Variants in VPS72 observed in about 807,000 individuals in gnomAD.
VPS72 encodes vacuolar protein sorting-associated protein 72 homolog.
In VPS72, 27 loss-of-function variants were observed where a neutral mutation model predicts 38.9. That is an observed-to-expected ratio of 0.69 (90% CI 0.51 to 0.96). VPS72 has a LOEUF of 0.96. Ranked by LOEUF, VPS72 falls within the 40% of genes least tolerant of loss-of-function variation. The pLI is 0.00. For synonymous variants in VPS72, 173 were observed against 186.3 expected, an observed-to-expected ratio of 0.93 and a Z score of 0.58; for missense variants, 360 against 479.5, an observed-to-expected ratio of 0.75 and a Z score of 2.33.
Position 151,176,534 on chromosome 1 carries a change from C to T in VPS72, c.*110G>A, listed in dbSNP as rs1387796898. ...GAACTAGGGGAAAAGGAAAAAGAAA[C>T]AGATTAGGCAAAGATCAGAGATGAC... On this transcript the variant is annotated 3_prime_UTR_variant, in exon 6 of 6. Transcript: ENST00000368892. The T allele has an allele frequency of 6.8e-7, 1 of 1,476,766 alleles. No individual in the cohort carries two copies. 91.5% of individuals were successfully genotyped at this position (1,476,766 alleles called of 1,614,324 possible).
chr1:151,180,552 C>T (rs1430083078), intron 4 of VPS72, among the ~76,000 whole-genome samples: 1 of 151,990 alleles, frequency 6.6e-6, no homozygotes, highest in Non-Finnish European at 1.5e-5. Flanking sequence ...ATTCTCCTGC[C>T]TCAGCCTCCT....
At chr1:151,177,891 G>C in intron 5 of VPS72, 110 bp downstream of exon 5, 1 of 1,283,830 alleles carries the variant, frequency 7.8e-7, no homozygotes, top group East Asian at 2.4e-5. Flanking sequence ...TTAGGAATCT[G>C]AAAGAAATCT....
chr1:151,185,161 G>A (rs1684322608), intron 3 of VPS72, among the ~76,000 whole-genome samples: 1 of 151,712 alleles, frequency 6.6e-6, no homozygotes, highest in African/African-American at 2.4e-5. Context: ...TTTTTCTGGT[G>A]ACAGAGTTTT....
chr1:151,190,178 G>T lies in VPS72; in HGVS notation c.-57C>A. On this transcript the variant is annotated 5_prime_UTR_variant, in exon 1 of 6. Coordinates refer to ENST00000368892, the MANE Select transcript of VPS72 (RefSeq NM_005997.3). ...GCCCCTCACCAGCTCGGTTTTGGGA[G>T]CTCGACGCTCGACATCACTACCTGC... 6.4e-7 allele frequency: 1 copy of T among 1,571,444 alleles called. No homozygotes were observed.
At chr1:151,177,665 G>T (rs919719937) in intron 5 of VPS72, among the ~76,000 whole-genome samples, 4 of 151,950 alleles carry the variant, frequency 2.6e-5, no homozygotes, top group African/African-American at 9.7e-5. Context: ...CCAGGAGTCT[G>T]GGCAACACAG....
At position 151,176,704 on chromosome 1, in the gene VPS72, A is replaced by T. The variant is rs1354719823; in HGVS notation, c.1035T>A (p.Pro345=). Residue 345 remains proline, a synonymous_variant, in exon 6 of 6, where the codon CCT becomes CCA. Coordinates refer to ENST00000368892, the MANE Select transcript of VPS72 (RefSeq NM_005997.3). ...GCCCAGAGCCAGGGAGGGGCTCAGGAGGTGGCGGGCCGGGGCCCAGGGCTG... is the reference window on the plus strand; with the variant it reads ...GCCCAGAGCCAGGGAGGGGCTCAGGTGGTGGCGGGCCGGGGCCCAGGGCTG... ...TASALGPGPP[P]PEPLPGSGPR... 2 of 1,614,026 alleles carry T rather than the reference A, an allele frequency of 1.2e-6. No homozygotes were observed. Among genetic ancestry groups the T allele is most frequent in the African/African-American group, 1.3e-5 (1 of 74,910 alleles).
chr1:151,185,812 T>G lies in VPS72; in HGVS notation c.256A>C (p.Thr86Pro). The G allele has an allele frequency of 6.2e-7, 1 of 1,614,166 alleles. No homozygotes were observed. ...EEPRRKRRVV[T>P]KAYKEPLKSL... is the part of the protein sequence containing the mutation. ...TCCCCCTGTACCTTATAGGCCTTGG[T>G]GACTACTCGGCGCTTCCTTCTTGGC... Residue 86 changes from threonine (T) to proline (P), a missense_variant, in exon 2 of 6, where the codon ACC becomes CCC. Thr to Pro is a conservative substitution (Grantham distance 38). Coordinates refer to ENST00000368892, the MANE Select transcript of VPS72 (RefSeq NM_005997.3).
In VPS72 at chr1:151,180,461, CAG is replaced by C. The variant is rs113815827; in HGVS notation, c.563-2318_563-2317del. ...TTTACTTTCTTTTTCTTTTTTGAGA[CAG>C]AGTCTTGCTCTGTCGCCAGGTTGGA... is the stretch of plus-strand genomic sequence containing the variant. On this transcript the variant is annotated intron_variant, in intron 4 of 5. Coordinates refer to ENST00000368892, the MANE Select transcript of VPS72 (RefSeq NM_005997.3). Among the ~76,000 whole-genome samples, 674 of 151,964 alleles carry C rather than the reference CAG, an allele frequency of 4.4e-3. 6 individuals carry two copies. The highest frequency in any genetic ancestry group is 0.015 in the African/African-American group (636 of 41,472).
chr1:151,181,828 G>C (rs1057366079), intron 4 of VPS72, among the ~76,000 whole-genome samples: 4 of 152,130 alleles, frequency 2.6e-5, no homozygotes, highest in African/African-American at 7.2e-5. Context: ...TAATGAAAAA[G>C]ACATCAGGTG....
intron 1 of VPS72, among the ~76,000 whole-genome samples, chr1:151,188,970 T>C (rs1400781013): frequency 6.6e-6 from 1 of 152,088 alleles, no homozygotes; most frequent in African/African-American, 2.4e-5. Flanking sequence ...GCTGGGACTA[T>C]AGGCGCACAC....
At position 151,176,967 on chromosome 1, in the gene VPS72, G is replaced by A. The variant is rs377588091; in HGVS notation, c.772C>T (p.Pro258Ser). 1.1e-4 allele frequency: 171 copies of A among 1,606,794 alleles called. No individual in the cohort carries two copies. Among genetic ancestry groups the A allele is most frequent in the Non-Finnish European group, 1.4e-4 (160 of 1,175,248 alleles). Reference protein sequence around the residue: ...PHAGTGPVNPPARCSRTFITF... With the variant: ...PHAGTGPVNPSARCSRTFITF... ...ATGAAGGTACGTGAGCAGCGAGCAG[G>A]GGGGTTGACGGGTCCAGTCCCAGCA... The change falls in exon 6 of 6, where the codon CCT (proline) becomes TCT (serine). Residue 258 changes from proline to serine, a missense_variant. This residue lies in a region of VPS72 where 294 missense variants were observed against 356.3 expected (regional missense o/e 0.83). Transcript: ENST00000368892.
intron 4 of VPS72, among the ~76,000 whole-genome samples, chr1:151,180,038 G>T (rs1451614856): frequency 6.6e-6 from 1 of 151,200 alleles, no homozygotes; most frequent in African/African-American, 2.4e-5. Context: ...TACTCTGGAG[G>T]CCAGGTGCGG....
At position 151,178,039 on chromosome 1, in the gene VPS72, C is replaced by T; in HGVS notation, c.669G>A (p.Gly223=). The T allele has an allele frequency of 6.2e-7, 1 of 1,614,094 alleles. No homozygotes were observed. Among genetic ancestry groups the T allele is most frequent in the South Asian group, 1.1e-5 (1 of 91,078 alleles). Residue 223 remains glycine (G), a synonymous_variant, in exon 5 of 6, where the codon GGG becomes GGA. Coordinates refer to ENST00000368892, the MANE Select transcript of VPS72 (RefSeq NM_005997.3). ...CGTTCTCTTCCTTGGGGCCTGGCTC[C>T]CCAACAAGTGGCACTGTCACTGAAT... is the stretch of plus-strand genomic sequence containing the variant. ...TYHSVTVPLV[G]EPGPKEENVD... is the part of the protein sequence containing the mutation.
intron 3 of VPS72, 92 bp downstream of exon 3, chr1:151,185,414 C>A (rs1287295712): frequency 7.7e-7 from 1 of 1,306,482 alleles, no homozygotes; most frequent in African/African-American, 1.5e-5. Flanking sequence ...GAGTGAGCCA[C>A]CGCACCCAGC....
intron 4 of VPS72, 24 bp from the exon 5 acceptor site, chr1:151,178,169 A>G (rs1289664520): frequency 6.2e-7 from 1 of 1,611,018 alleles, no homozygotes; most frequent in African/African-American, 1.3e-5. Flanking sequence ...GGAAGAAATG[A>G]GGGGATGATC....
chr1:151,183,148 G>A lies in VPS72; in HGVS notation c.562+1169C>T, dbSNP rs147496444. 6.6e-5 allele frequency among the ~76,000 whole-genome samples: 10 copies of A among 151,746 alleles called. No homozygotes were observed. The East Asian group carries it at 1.6e-3, about 24-fold the overall frequency. ...ATGTTGAAAACCTGGGAATTGCCGCGGGGTGGCCCAAGCCTGTAATCCCAG... is the reference window on the plus strand; with the variant it reads ...ATGTTGAAAACCTGGGAATTGCCGCAGGGTGGCCCAAGCCTGTAATCCCAG... On this transcript the variant is annotated intron_variant, in intron 4 of 5. Coordinates refer to ENST00000368892, the MANE Select transcript of VPS72 (RefSeq NM_005997.3).
At chr1:151,186,902 G>A (rs747771239) in intron 1 of VPS72, among the ~76,000 whole-genome samples, 1 of 152,166 alleles carries the variant, frequency 6.6e-6, no homozygotes, top group Non-Finnish European at 1.5e-5. Context: ...TAACCTGCAG[G>A]CCAGTGATTC....
In VPS72 at chr1:151,176,780, C is replaced by T. The variant is rs773220242; in HGVS notation, c.959G>A (p.Arg320His). 6.8e-6 allele frequency: 11 copies of T among 1,614,046 alleles called. No individual in the cohort carries two copies. Among genetic ancestry groups the T allele is most frequent in the East Asian group, 4.5e-5 (2 of 44,894 alleles). ...AGTAATGTACTTCTTGTAAGCCTCA[C>T]GAATGATCTTGAAGGCTCGAGCAGT... ...YATARAFKII[R>H]EAYKKYITAH... Residue 320 changes from arginine to histidine, a missense_variant, in exon 6 of 6, where the codon CGT becomes CAT. Physicochemically the swap from Arg to His is conservative, Grantham distance 29. Around this residue, in one of 2 missense-constraint regions of VPS72, gnomAD observed 294 missense variants for 356.3 expected, o/e 0.83. Transcript: ENST00000368892.
chr1:151,190,180 T>C lies in VPS72; in HGVS notation c.-59A>G. 2 of 1,573,782 alleles carry C rather than the reference T, an allele frequency of 1.3e-6. No homozygotes were observed. Among genetic ancestry groups the C allele is most frequent in the Non-Finnish European group, 1.7e-6 (2 of 1,152,402 alleles). ...CCCTCACCAGCTCGGTTTTGGGAGC[T>C]CGACGCTCGACATCACTACCTGCGG... is the stretch of plus-strand genomic sequence containing the variant. On this transcript the variant is annotated 5_prime_UTR_variant, in exon 1 of 6. Coordinates refer to ENST00000368892, the MANE Select transcript of VPS72 (RefSeq NM_005997.3).
Sources: allele counts gnomAD v4.1 joint callset (sites outside exome capture counted in the v4.1 genomes callset), GRCh38; gene constraint gnomAD v4.1.1; regional missense constraint gnomAD v4.1.1; transcripts MANE v1.5; gene names NCBI Gene and HGNC (gene_info 2026-07-23, HGNC 2026-07-21).